Variants in ESRRG observed in about 807,000 individuals in gnomAD.
ESRRG encodes estrogen related receptor gamma.
A neutral mutation model predicts 44.0 loss-of-function variants in ESRRG; 13 were observed. That is an observed-to-expected ratio of 0.30 (90% CI 0.19 to 0.47). The LOEUF is 0.47. Among genes scored for constraint, ESRRG ranks in the 20% least tolerant of loss-of-function variants. The pLI, the probability that ESRRG is intolerant of heterozygous loss-of-function variation, is 1.00. For missense variants in ESRRG, 395 were observed against 580.6 expected (o/e 0.68, Z 3.29); for synonymous variants, 215 against 214.6 (o/e 1.00, Z -0.02).
At chr1:216,658,193 T>G (rs1426524231) in intron 2 of ESRRG, among the ~76,000 whole-genome samples, 1 of 152,150 alleles carries the variant, frequency 6.6e-6, no homozygotes, top group East Asian at 1.9e-4. Flanking sequence ...GCAAAATTTC[T>G]AACAATAAGA....
intron 2 of ESRRG, among the ~76,000 whole-genome samples, chr1:216,934,902 A>G (rs919427203): frequency 2.0e-4 from 31 of 152,204 alleles, no homozygotes; most frequent in African/African-American, 7.2e-4. Context: ...CCACTATTTT[A>G]TACATTATAA....
intron 3 of ESRRG, among the ~76,000 whole-genome samples, chr1:216,585,689 G>A (rs1194999734): frequency 2.0e-5 from 3 of 151,988 alleles, no homozygotes; most frequent in Non-Finnish European, 4.4e-5. Flanking sequence ...AGAAAAATAG[G>A]CCCAATCAAA....
intron 2 of ESRRG, among the ~76,000 whole-genome samples, chr1:216,760,823 C>T (rs111705086): frequency 0.022 from 3,419 of 152,020 alleles, 56 homozygotes; most frequent in Non-Finnish European, 0.031. Context: ...AGTCATTGAT[C>T]GTTAGCTGAT....
In ESRRG at chr1:216,991,264, C is replaced by T. The variant is rs908111354; in HGVS notation, c.-105-51591G>A. On this transcript the variant is annotated intron_variant, in intron 1 of 7. Coordinates refer to the ESRRG transcript ENST00000359162. ...GCGCCAAAAAGGTTGGGGACTGTTG[C>T]TATAAAGAGCACTAATACTGTACCA... Among the ~76,000 whole-genome samples, 3 of 152,062 alleles carry T rather than the reference C, an allele frequency of 2.0e-5. No individual in the cohort carries two copies. In the East Asian group the frequency reaches 5.8e-4, roughly 29 times the overall value.
chr1:216,854,738 T>G (rs1010877634), intron 2 of ESRRG, among the ~76,000 whole-genome samples: 2 of 152,192 alleles, frequency 1.3e-5, no homozygotes, highest in Non-Finnish European at 2.9e-5. Flanking sequence ...TCACTTTCTC[T>G]GTTAAGCATT....
chr1:216,859,591 G>A (rs1437648060), intron 2 of ESRRG, among the ~76,000 whole-genome samples: 1 of 152,154 alleles, frequency 6.6e-6, no homozygotes, highest in Non-Finnish European at 1.5e-5. Flanking sequence ...CATAAGACTA[G>A]GAATAATGCT....
chr1:216,719,202 G>A (rs2085609143), intron 1 of ESRRG, among the ~76,000 whole-genome samples: 1 of 151,992 alleles, frequency 6.6e-6, no homozygotes, highest in South Asian at 2.1e-4. Flanking sequence ...TCTTGCAGGA[G>A]TGAGGTATTG....
intron 2 of ESRRG, among the ~76,000 whole-genome samples, chr1:216,838,309 G>C (rs1001619149): frequency 2.0e-5 from 3 of 152,084 alleles, no homozygotes; most frequent in African/African-American, 7.2e-5. Flanking sequence ...ACAGAAACTG[G>C]GTTTAGTTGG....
intron 1 of ESRRG, among the ~76,000 whole-genome samples, chr1:217,011,472 G>A (rs993738157): frequency 6.6e-6 from 1 of 152,218 alleles, no homozygotes; most frequent in Admixed American, 6.5e-5. Flanking sequence ...GAGGCTATGA[G>A]TGGCTAAATG....
rs528619593 is a variant in ESRRG, at chr1:217,044,160, C to T, written c.-106+45347G>A. On this transcript the variant is annotated intron_variant, in intron 1 of 7. Transcript: ENST00000359162. ...TGAAATGCAGAAGCTCAAGGCACGT[C>T]TTCTTCCTCCATAGGATGTACAATA... 2.3e-4 allele frequency among the ~76,000 whole-genome samples: 35 copies of T among 152,282 alleles called. No homozygotes were observed. In the South Asian group the frequency reaches 7.0e-3, roughly 31 times the overall value.
intron 2 of ESRRG, among the ~76,000 whole-genome samples, chr1:216,885,951 T>C (rs1056739759): frequency 1.3e-4 from 20 of 152,022 alleles, no homozygotes; most frequent in Non-Finnish European, 2.8e-4. Flanking sequence ...TCTTAGAACC[T>C]CTAGCCTGTA....
chr1:216,712,400 C>T (rs1371035256), intron 1 of ESRRG, among the ~76,000 whole-genome samples: 1 of 152,088 alleles, frequency 6.6e-6, no homozygotes, highest in African/African-American at 2.4e-5. Flanking sequence ...TTTTTTCCAG[C>T]GACTTTCTAA....
intron 3 of ESRRG, among the ~76,000 whole-genome samples, chr1:216,614,438 G>A (rs2061128694): frequency 6.6e-6 from 1 of 151,970 alleles, no homozygotes; most frequent in South Asian, 2.1e-4. Context: ...CAGCCTGTTA[G>A]CTCCAACATG....
chr1:216,935,592 T>C (rs1284297955), intron 2 of ESRRG, among the ~76,000 whole-genome samples: 1 of 151,740 alleles, frequency 6.6e-6, no homozygotes, highest in Admixed American at 6.6e-5. Flanking sequence ...CTCTCTGAAA[T>C]TGCAAATTGA....
intron 3 of ESRRG, among the ~76,000 whole-genome samples, chr1:216,645,192 A>G (rs1465047145): frequency 6.6e-6 from 1 of 152,196 alleles, no homozygotes; most frequent in Non-Finnish European, 1.5e-5. Context: ...TTTGAAAAAA[A>G]TAACATATTT....
At chr1:216,894,967 T>C (rs1485094965) in intron 2 of ESRRG, among the ~76,000 whole-genome samples, 9 of 152,230 alleles carry the variant, frequency 5.9e-5, no homozygotes, top group African/African-American at 2.2e-4. Context: ...AGTACAGCTC[T>C]GATTTATGTA....
chr1:216,612,824 C>T (rs187116810), intron 3 of ESRRG, among the ~76,000 whole-genome samples: 1 of 152,204 alleles, frequency 6.6e-6, no homozygotes, highest in Non-Finnish European at 1.5e-5. Context: ...ATGGAAGTGG[C>T]AGAGACACCT....
intron 1 of ESRRG, among the ~76,000 whole-genome samples, chr1:217,096,210 C>A (rs1296631359): frequency 6.6e-6 from 1 of 152,156 alleles, no homozygotes; most frequent in Non-Finnish European, 1.5e-5. Flanking sequence ...TTCTGGAGTT[C>A]TTGCATTTCA....
intron 2 of ESRRG, chr1:216,863,373 G>C (rs2096086938): frequency 6.6e-6 from 1 of 152,104 alleles, no homozygotes; most frequent in South Asian, 2.1e-4. Flanking sequence ...GAATTCAAGT[G>C]AATAAAATTT....
Sources: gnomAD v4.1 joint callset for allele counts (sites outside exome capture counted in the v4.1 genomes callset) on GRCh38, gnomAD v4.1.1 for gene constraint, MANE v1.5 for transcripts, NCBI Gene and HGNC (gene_info 2026-07-23, HGNC 2026-07-21) for gene names.